The following SIPA1L2 variants were observed in gnomAD, a reference collection of about 807,000 sequenced individuals.
The protein encoded by SIPA1L2 is signal-induced proliferation-associated 1-like protein 2.
SIPA1L2 carries 56 observed loss-of-function variants against 163.9 expected under a neutral mutation model. That is an observed-to-expected ratio of 0.34 (90% CI 0.28 to 0.43). The LOEUF is 0.43. Ranked by LOEUF, SIPA1L2 falls within the 20% of genes least tolerant of loss-of-function variation. The pLI, the probability that SIPA1L2 is intolerant of heterozygous loss-of-function variation, is 1.00. For missense variants in SIPA1L2, 1,974 were observed against 2,193.5 expected, an observed-to-expected ratio of 0.90 and a Z score of 2.00; for synonymous variants, 877 against 865.7, an observed-to-expected ratio of 1.01 and a Z score of -0.23.
At chr1:232,414,897 A>G (rs1661159910) in intron 19 of SIPA1L2, among the ~76,000 whole-genome samples, 1 of 152,196 alleles carries the variant, frequency 6.6e-6, no homozygotes, top group Non-Finnish European at 1.5e-5. Flanking sequence ...CTGAAGGGGT[A>G]GCCTCAACCA....
chr1:232,414,044 G>C (rs1169080241), intron 19 of SIPA1L2, among the ~76,000 whole-genome samples: 4 of 152,160 alleles, frequency 2.6e-5, no homozygotes, highest in African/African-American at 7.2e-5. Flanking sequence ...CCACCAGCCT[G>C]GGGCTTCTAA....
chr1:232,587,428 G>A (rs12753593), intron 1 of SIPA1L2, among the ~76,000 whole-genome samples: 35,868 of 151,938 alleles, frequency 0.24, 4,976 homozygotes, highest in African/African-American at 0.38. Flanking sequence ...TCTTAAAGTC[G>A]TGGTTCTCAA....
At chr1:232,420,186 G>A (rs1430215802) in intron 18 of SIPA1L2, among the ~76,000 whole-genome samples, 4 of 152,126 alleles carry the variant, frequency 2.6e-5, no homozygotes, top group Non-Finnish European at 1.5e-5. Flanking sequence ...AGCTGGGTGT[G>A]GTGGTACATT....
chr1:232,624,877 G>GAATA (rs1246852343), intron 1 of SIPA1L2, among the ~76,000 whole-genome samples: 2 of 152,262 alleles, frequency 1.3e-5, no homozygotes, highest in Admixed American at 6.5e-5. Context: ...CAACACAAGA[G>GAATA]AATACCAAAC....
At chr1:232,602,180 C>T (rs751566237) in intron 1 of SIPA1L2, among the ~76,000 whole-genome samples, 3 of 152,100 alleles carry the variant, frequency 2.0e-5, no homozygotes, top group African/African-American at 7.2e-5. Context: ...GGCAGAGAAG[C>T]AGCAAAGCCA....
chr1:232,510,089 T>C (rs1432261743), intron 3 of SIPA1L2, among the ~76,000 whole-genome samples: 1 of 152,120 alleles, frequency 6.6e-6, no homozygotes, highest in Non-Finnish European at 1.5e-5. Flanking sequence ...ATGGACCACA[T>C]ACATGACGGT....
chr1:232,424,142 A>C (rs1572875786), intron 18 of SIPA1L2, among the ~76,000 whole-genome samples: 1 of 152,158 alleles, frequency 6.6e-6, no homozygotes, highest in East Asian at 1.9e-4. Context: ...CCTTTGGGTG[A>C]TAAGGATCTG....
rs1417947711 is a variant in SIPA1L2 at position 232,425,610 on chromosome 1, G to A, written c.4609C>T (p.Pro1537Ser). 3.1e-6 allele frequency: 5 copies of A among 1,602,172 alleles called. No homozygotes were observed. The highest frequency in any genetic ancestry group is 3.4e-6 in the Non-Finnish European group (4 of 1,174,284). The change falls in exon 18 of 23, where the codon CCC (proline) becomes TCC (serine). Residue 1537 changes from proline (P) to serine (S), a missense_variant. This residue lies in a region of SIPA1L2 where 1,079 missense variants were observed against 1,150.7 expected (regional missense o/e 0.94). Coordinates refer to ENST00000674635, the MANE Select transcript of SIPA1L2 (RefSeq NM_020808.5). ...TTACTTCTCAGGCTCCCCATGCTGG[G>A]TGCGGGGTGGGCCCGCGGAGGCAGC... Reference protein sequence around the residue: ...STLPPRAHPAPSMGSLRNEFW... With the variant: ...STLPPRAHPASSMGSLRNEFW...
intron 3 of SIPA1L2, among the ~76,000 whole-genome samples, chr1:232,495,330 G>A (rs907059098): frequency 1.3e-5 from 2 of 152,268 alleles, no homozygotes; most frequent in Middle Eastern, 3.4e-3. Context: ...TTGGGAGGCC[G>A]AGGCGGGCGG....
chr1:232,594,539 C>G (rs1386197361), intron 1 of SIPA1L2, among the ~76,000 whole-genome samples: 1 of 152,080 alleles, frequency 6.6e-6, no homozygotes, highest in Non-Finnish European at 1.5e-5. Context: ...GTTTTTATTT[C>G]TTTAGTTTCC....
intron 8 of SIPA1L2, among the ~76,000 whole-genome samples, chr1:232,470,350 A>T (rs1664740319): frequency 6.6e-6 from 1 of 152,234 alleles, no homozygotes; most frequent in East Asian, 1.9e-4. Context: ...GACTAGGGCT[A>T]TGTTTAATAA....
chr1:232,455,594 T>A (rs938661595), intron 10 of SIPA1L2, among the ~76,000 whole-genome samples: 1 of 149,300 alleles, frequency 6.7e-6, no homozygotes, highest in Non-Finnish European at 1.5e-5. Context: ...AGCAGGAGAA[T>A]GGCGTGAACC....
chr1:232,588,161 G>C (rs1256397815), intron 1 of SIPA1L2, among the ~76,000 whole-genome samples: 2 of 152,160 alleles, frequency 1.3e-5, no homozygotes, highest in Admixed American at 6.5e-5. Flanking sequence ...GCATATACTG[G>C]TGGCTGTCGC....
At chr1:232,523,996 C>A (rs545212631) in intron 2 of SIPA1L2, among the ~76,000 whole-genome samples, 1 of 152,302 alleles carries the variant, frequency 6.6e-6, no homozygotes, top group African/African-American at 2.4e-5. Context: ...AGCAAATACA[C>A]AACAAACTCC....
Position 232,515,397 on chromosome 1 carries a change from A to C in SIPA1L2, c.-58T>G. 1 of 1,496,228 alleles carries C rather than the reference A, an allele frequency of 6.7e-7. No individual in the cohort carries two copies. The highest frequency in any genetic ancestry group is 8.9e-7 in the Non-Finnish European group (1 of 1,121,070). The allele number at this position is 1,496,228 out of a possible 1,614,324, so 92.7% of individuals were successfully genotyped here. ...GGAAGACTGATGTAAATCTAATTAC[A>C]TTGCTACCGACCACGCCATAATACT... On this transcript the variant is annotated 5_prime_UTR_variant, in exon 3 of 23. It removes an upstream start codon present in the reference 5' UTR. Transcript: ENST00000674635.
intron 2 of SIPA1L2, among the ~76,000 whole-genome samples, chr1:232,534,727 G>A (rs754495150): frequency 5.1e-4 from 78 of 152,088 alleles, no homozygotes; most frequent in African/African-American, 6.8e-4. Flanking sequence ...CCACCATGGC[G>A]GGGTCTTGCT....
intron 2 of SIPA1L2, among the ~76,000 whole-genome samples, chr1:232,523,387 C>A (rs948989588): frequency 6.6e-6 from 1 of 152,144 alleles, no homozygotes; most frequent in African/African-American, 2.4e-5. Context: ...TTAGTTAATA[C>A]ATCTTTTCAG....
At chr1:232,630,404 G>A (rs994230411), upstream of SIPA1L2, among the ~76,000 whole-genome samples, 4 of 152,136 alleles carry the variant, frequency 2.6e-5, no homozygotes, top group Non-Finnish European at 4.4e-5. Context: ...GCGGCGCTGG[G>A]CGAGCTCGAG....
At chr1:232,464,063 C>T (rs1326292) in intron 9 of SIPA1L2, among the ~76,000 whole-genome samples, 46,824 of 151,936 alleles carry the variant, frequency 0.31, 8,084 homozygotes, top group East Asian at 0.72. Flanking sequence ...AAAATTACAT[C>T]CCTCTTGGGG....
Sources: allele counts gnomAD v4.1 joint callset (sites outside exome capture counted in the v4.1 genomes callset), GRCh38; gene constraint gnomAD v4.1.1; regional missense constraint gnomAD v4.1.1; transcripts MANE v1.5; gene names NCBI Gene and HGNC (gene_info 2026-07-23, HGNC 2026-07-21).